Variants in SFT2D2 observed in about 807,000 individuals in gnomAD.
SFT2D2 encodes the protein SFT2 domain containing 2, also known as vesicle transport protein SFT2B.
A neutral mutation model predicts 27.4 loss-of-function variants in SFT2D2; 21 were observed. The ratio of observed to expected loss-of-function variants is 0.77; its 90% CI spans 0.54 to 1.10. The LOEUF is 1.10. Among genes scored for constraint, SFT2D2 ranks in the 50% least tolerant of loss-of-function variants. The probability of loss-of-function intolerance (pLI) is 0.00; values close to 1 mark genes in which losing one functional copy is unlikely to be tolerated. For synonymous variants in SFT2D2, 72 were observed against 71.7 expected (o/e 1.00, Z -0.02); for missense variants, 187 against 194.2 (o/e 0.96, Z 0.22).
rs1229709950 is a variant in SFT2D2 at position 168,248,974 on chromosome 1, T to C, written c.*6434T>C. 6.6e-6 allele frequency: 1 copy of C among 152,214 alleles called. No homozygotes were observed. The highest frequency in any genetic ancestry group is 1.5e-5 in the Non-Finnish European group (1 of 68,032). The allele number at this position is 152,214 out of a possible 1,614,324, so 9.4% of individuals were successfully genotyped here. A position where few individuals can be genotyped will look rare whatever the true frequency, so the allele number is the denominator to read the frequency against. On this transcript the variant is annotated 3_prime_UTR_variant, in exon 8 of 8. Transcript: ENST00000271375. The stretch of plus-strand genomic sequence containing the variant: ...TTTTATTGCATTTATTTGATTCTTC[T>C]CTCTTTTCTTCTTTATTAGTCTGGC...
chr1:168,242,440 T>G, intron 7 of SFT2D2, 61 bp from the exon 8 acceptor site: 2 of 1,603,346 alleles, frequency 1.2e-6, no homozygotes. Flanking sequence ...CTGGGTGCCC[T>G]CTAAAGGAGT....
chr1:168,238,527 A>C (rs1332769112), intron 6 of SFT2D2, among the ~76,000 whole-genome samples: 4 of 151,894 alleles, frequency 2.6e-5, no homozygotes, highest in African/African-American at 2.4e-5. Context: ...AAAAACATTA[A>C]AAAATTAGCC....
intron 4 of SFT2D2, 82 bp from the exon 5 acceptor site, chr1:168,236,507 A>T: frequency 7.2e-7 from 1 of 1,384,592 alleles, no homozygotes; most frequent in Non-Finnish European, 1.0e-6. Flanking sequence ...AGTTTTGTGC[A>T]TTTGTGAAGA....
rs1041822387 is a variant in SFT2D2, at chr1:168,243,726, A to C, written c.*1186A>C. Reference sequence around the variant, plus strand: ...CTGGTTTTTGGATCCACCCAAAGCCACAGCTTCAGCCTCCTTCATGACCCC... The same window carrying C: ...CTGGTTTTTGGATCCACCCAAAGCCCCAGCTTCAGCCTCCTTCATGACCCC... On this transcript the variant is annotated 3_prime_UTR_variant, in exon 8 of 8. Transcript: ENST00000271375. The C allele has an allele frequency of 6.5e-6, 1 of 152,674 alleles. No homozygotes were observed. The highest frequency in any genetic ancestry group is 1.5e-5 in the Non-Finnish European group (1 of 68,372). 9.5% of individuals were successfully genotyped at this position (152,674 alleles called of 1,614,324 possible).
chr1:168,226,126 G>GT lies in SFT2D2; in HGVS notation c.47_48insT (p.Ser17GlufsTer8). On this transcript the variant is annotated frameshift_variant, in exon 1 of 8. Coordinates refer to ENST00000271375, the MANE Select transcript of SFT2D2 (RefSeq NM_199344.3). LOFTEE classifies it high-confidence loss of function. ...CTGAGCGGGCAGGACACGGAGGACC[G>GT]GAGCGGCCTGTCCGAGGTGAGTGAG... 1 of 1,534,268 alleles carries GT rather than the reference G, an allele frequency of 6.5e-7. No homozygotes were observed. Among genetic ancestry groups the GT allele is most frequent in the Non-Finnish European group, 8.8e-7 (1 of 1,139,856 alleles).
At position 168,246,376 on chromosome 1, in the gene SFT2D2, AT is replaced by A; in HGVS notation, c.*3841del. The stretch of plus-strand genomic sequence containing the variant: ...CATAATCTTACTTGCTTTTCTGTGC[AT>A]TTTTCTACTTTATCTTGGCCACTTG... On this transcript the variant is annotated 3_prime_UTR_variant, in exon 8 of 8. Transcript: ENST00000271375. The A allele has an allele frequency of 5.0e-6, 3 of 599,178 alleles. No individual in the cohort carries two copies. The highest frequency in any genetic ancestry group is 8.1e-6 in the Non-Finnish European group (3 of 371,988). The allele number at this position is 599,178 out of a possible 1,614,324, so 37.1% of individuals were successfully genotyped here. A position where few individuals can be genotyped will look rare whatever the true frequency, so the allele number is the denominator to read the frequency against.
chr1:168,233,718 C>G lies in SFT2D2; in HGVS notation c.237-1383C>G, dbSNP rs7539581. Among the ~76,000 whole-genome samples the G allele has an allele frequency of 8.9e-3, 1,355 of 152,252 alleles. 23 individuals are homozygous for G. Among genetic ancestry groups the G allele is most frequent in the African/African-American group, 0.031 (1,269 of 41,538 alleles). On this transcript the variant is annotated intron_variant, in intron 3 of 7. Transcript: ENST00000271375. ...TGAGCATAAATATATGGGTGTGTTG[C>G]TTAGTCTAGAAGAGCTCTTTAGCAA...
In SFT2D2 at chr1:168,248,742, A is replaced by C. The variant is rs927479631; in HGVS notation, c.*6202A>C. 3 of 152,206 alleles carry C rather than the reference A, an allele frequency of 2.0e-5. No homozygotes were observed. The highest frequency in any genetic ancestry group is 4.4e-5 in the Non-Finnish European group (3 of 68,048). The allele number at this position is 152,206 out of a possible 1,614,324, so 9.4% of individuals were successfully genotyped here. A position where few individuals can be genotyped will look rare whatever the true frequency, so the allele number is the denominator to read the frequency against. On this transcript the variant is annotated 3_prime_UTR_variant, in exon 8 of 8. Transcript: ENST00000271375. ...CTGGACTTTTTATGGTTGGTAGGCT[A>C]TTAATTACTGCCTCAATTTCAGAAC...
rs1252301860 is a variant in SFT2D2, at chr1:168,236,736, A to G, written c.379A>G (p.Ile127Val). Residue 127 changes from isoleucine (I) to valine (V), a missense_variant, in exon 6 of 8, where the codon ATC (isoleucine) becomes GTC (valine). Coordinates refer to ENST00000271375, the MANE Select transcript of SFT2D2 (RefSeq NM_199344.3). Reference protein sequence around the residue: ...FWWHNKGLALIFCILQSLALT... With the variant: ...FWWHNKGLALVFCILQSLALT... ...GTGGCATAACAAGGGACTTGCACTT[A>G]TCTTCTGCATTTTGCAGTCTTTGGC... 7 of 1,614,192 alleles carry G rather than the reference A, an allele frequency of 4.3e-6. No homozygotes were observed. Among genetic ancestry groups the G allele is most frequent in the Middle Eastern group, 1.6e-4 (1 of 6,062 alleles).
Position 168,246,491 on chromosome 1 carries a change from C to T in SFT2D2, c.*3951C>T. 1 of 1,426,542 alleles carries T rather than the reference C, an allele frequency of 7.0e-7. No homozygotes were observed. The highest frequency in any genetic ancestry group is 9.5e-7 in the Non-Finnish European group (1 of 1,052,418). 88.4% of individuals were successfully genotyped at this position (1,426,542 alleles called of 1,614,324 possible). On this transcript the variant is annotated 3_prime_UTR_variant, in exon 8 of 8. Coordinates refer to ENST00000271375, the MANE Select transcript of SFT2D2 (RefSeq NM_199344.3). ...AAAACCAAAGCGTTTTCTTTCAGAG[C>T]CTCTCTTGTGTTATGGAGCTCAGTT... is the stretch of plus-strand genomic sequence containing the variant.
Position 168,236,509 on chromosome 1 carries a change from T to C in SFT2D2, c.319-80T>C, listed in dbSNP as rs536610340. On this transcript the variant is annotated intron_variant, in intron 4 of 7. Transcript: ENST00000271375. ...TGAAGGATGCATAAGTTTTGTGCAT[T>C]TGTGAAGAATAACAAGTTTTGAGTT... 2.5e-4 allele frequency: 343 copies of C among 1,396,958 alleles called. No individual in the cohort carries two copies. In the African/African-American group the frequency reaches 4.2e-3, roughly 17 times the overall value. 86.5% of individuals were successfully genotyped at this position (1,396,958 alleles called of 1,614,324 possible).
chr1:168,233,060 A>G (rs1347998905), intron 3 of SFT2D2, among the ~76,000 whole-genome samples: 1 of 152,178 alleles, frequency 6.6e-6, no homozygotes, highest in African/African-American at 2.4e-5. Context: ...TGTACAAATG[A>G]AGTCCAAATT....
chr1:168,235,659 C>T (rs1289498014), intron 4 of SFT2D2, among the ~76,000 whole-genome samples: 6 of 152,194 alleles, frequency 3.9e-5, no homozygotes, highest in Non-Finnish European at 4.4e-5. Context: ...GAGTGGCCTC[C>T]TTATGGCCTG....
chr1:168,240,688 C>T (rs903762428), intron 7 of SFT2D2, among the ~76,000 whole-genome samples: 6 of 152,020 alleles, frequency 3.9e-5, no homozygotes, highest in East Asian at 1.9e-4. Context: ...CTGAGGTGTG[C>T]GGATCACGAG....
intron 7 of SFT2D2, 90 bp downstream of exon 7, chr1:168,239,250 T>C: frequency 9.9e-7 from 1 of 1,008,720 alleles, no homozygotes; most frequent in South Asian, 1.4e-5. Flanking sequence ...TTATCTTTAC[T>C]GAAGTCTTTT....
Position 168,252,687 on chromosome 1 carries a change from G to T in SFT2D2, c.*10147G>T, listed in dbSNP as rs1370325876. On this transcript the variant is annotated 3_prime_UTR_variant, in exon 8 of 8. Coordinates refer to ENST00000271375, the MANE Select transcript of SFT2D2 (RefSeq NM_199344.3). Reference sequence around the variant, plus strand: ...GAGTGAGGACATTCAAAAGCCCATGGTGAATGCATATGCCTTTAGAATATT... The same window carrying T: ...GAGTGAGGACATTCAAAAGCCCATGTTGAATGCATATGCCTTTAGAATATT... The T allele has an allele frequency of 6.6e-6, 1 of 152,128 alleles. No homozygotes were observed. The highest frequency in any genetic ancestry group is 1.5e-5 in the Non-Finnish European group (1 of 68,034). 9.4% of individuals were successfully genotyped at this position (152,128 alleles called of 1,614,324 possible). A position where few individuals can be genotyped will look rare whatever the true frequency, so the allele number is the denominator to read the frequency against.
chr1:168,230,591 A>G (rs1647240118), intron 1 of SFT2D2, among the ~76,000 whole-genome samples: 1 of 152,196 alleles, frequency 6.6e-6, no homozygotes, highest in Admixed American at 6.5e-5. Flanking sequence ...CTCCTGCCTC[A>G]GCCTTCCAAG....
Position 168,239,159 on chromosome 1 carries a change from A to G in SFT2D2, c.442A>G (p.Arg148Gly). 1 of 1,603,920 alleles carries G rather than the reference A, an allele frequency of 6.2e-7. No individual in the cohort carries two copies. Among genetic ancestry groups the G allele is most frequent in the Non-Finnish European group, 8.5e-7 (1 of 1,170,696 alleles). The change falls in exon 7 of 8, where the codon AGG becomes GGG. Residue 148 changes from arginine to glycine, a missense_variant and splice_region_variant. Transcript: ENST00000271375. ...WYSLSFIPFARDAVKKCFAVC... is the reference protein window; with the variant it reads ...WYSLSFIPFAGDAVKKCFAVC... ...CAGCCTTTCCTTCATACCATTTGCAAGGTAAGACTGTGTATTTGGAAATAA... is the reference window on the plus strand; with the variant it reads ...CAGCCTTTCCTTCATACCATTTGCAGGGTAAGACTGTGTATTTGGAAATAA...
intron 1 of SFT2D2, among the ~76,000 whole-genome samples, chr1:168,226,376 G>A (rs959032953): frequency 2.0e-5 from 3 of 152,056 alleles, no homozygotes; most frequent in African/African-American, 7.2e-5. Flanking sequence ...ACAAGGGGGC[G>A]GCGCAGGAGG....
Sources: allele counts gnomAD v4.1 joint callset (sites outside exome capture counted in the v4.1 genomes callset), GRCh38; gene constraint gnomAD v4.1.1; transcripts MANE v1.5; gene names NCBI Gene and HGNC (gene_info 2026-07-23, HGNC 2026-07-21).